Variants in FMN1 observed in about 807,000 individuals in gnomAD.
FMN1 encodes the protein formin-1.
A neutral mutation model predicts 132.4 loss-of-function variants in FMN1; 110 were observed. The observed-to-expected ratio is 0.83, with a 90% CI of 0.71 to 0.97. The LOEUF is 0.97. Ranked by LOEUF, FMN1 falls within the 50% of genes least tolerant of loss-of-function variation. The pLI, the probability that FMN1 is intolerant of heterozygous loss-of-function variation, is 0.00. For synonymous variants in FMN1, 722 were observed against 651.7 expected (o/e 1.11, Z -1.64); for missense variants, 1,792 against 1,705.3 (o/e 1.05, Z -0.90).
chr15:32,846,650 G>A (rs1158411952), intron 17 of FMN1, among the ~76,000 whole-genome samples: 2 of 152,204 alleles, frequency 1.3e-5, no homozygotes, highest in Non-Finnish European at 2.9e-5. Context: ...AAGACAGTGT[G>A]GCGATTCCTC....
chr15:33,124,809 T>C (rs1361002551), intron 4 of FMN1, among the ~76,000 whole-genome samples: 2 of 151,746 alleles, frequency 1.3e-5, no homozygotes, highest in Non-Finnish European at 2.9e-5. Context: ...ATGGGATCAA[T>C]TCAATACTAG....
intron 17 of FMN1, among the ~76,000 whole-genome samples, chr15:32,813,500 C>G (rs948241925): frequency 6.6e-6 from 1 of 152,084 alleles, no homozygotes. Flanking sequence ...ACAATACTGA[C>G]AAAACACTTG....
chr15:33,139,203 C>T (rs11629582), intron 4 of FMN1, among the ~76,000 whole-genome samples: 67,592 of 152,070 alleles, frequency 0.44, 16,308 homozygotes, highest in South Asian at 0.55. Context: ...TGTGTATCCC[C>T]TTGAATTCAG....
chr15:33,016,883 G>A (rs962734721), intron 6 of FMN1, among the ~76,000 whole-genome samples: 7 of 152,140 alleles, frequency 4.6e-5, no homozygotes, highest in Non-Finnish European at 7.3e-5. Context: ...TCTGTTGAAC[G>A]CCATAAAAAC....
chr15:32,936,171 A>G (rs1020183194), intron 9 of FMN1, among the ~76,000 whole-genome samples: 3 of 152,098 alleles, frequency 2.0e-5, no homozygotes, highest in Non-Finnish European at 2.9e-5. Flanking sequence ...TCTTTATGAC[A>G]TTTATTTTGA....
intron 5 of FMN1, among the ~76,000 whole-genome samples, chr15:33,080,756 G>C (rs181534454): frequency 6.6e-6 from 1 of 152,050 alleles, no homozygotes; most frequent in East Asian, 1.9e-4. Flanking sequence ...GCATGGTGGC[G>C]CATGCCTGTA....
In FMN1 at chr15:33,024,274, T is replaced by C. The variant is rs533951632; in HGVS notation, c.2162-16199A>G. On this transcript the variant is annotated intron_variant, in intron 6 of 20. Coordinates refer to ENST00000616417, the MANE Select transcript of FMN1 (RefSeq NM_001277313.2). ...TTTTTTTTTTTTTTGAGATGTGGAG[T>C]CTCGCTCTGTCGCCCAGGCTGGAGT... Among the ~76,000 whole-genome samples, 83 of 128,952 alleles carry C rather than the reference T, an allele frequency of 6.4e-4. 1 individual carries two copies. The highest frequency in any genetic ancestry group is 2.4e-3 in the African/African-American group (83 of 34,586). 84.6% of individuals were successfully genotyped at this position (128,952 alleles called of 152,430 possible).
intron 5 of FMN1, among the ~76,000 whole-genome samples, chr15:33,083,708 G>T (rs963406134): frequency 6.6e-6 from 1 of 152,150 alleles, no homozygotes; most frequent in Non-Finnish European, 1.5e-5. Flanking sequence ...TTGAATAGGG[G>T]ATGGGTAAAA....
At chr15:32,804,166 G>T in intron 18 of FMN1, 115 bp downstream of exon 18, 2 of 749,426 alleles carry the variant, frequency 2.7e-6, no homozygotes, top group Non-Finnish European at 4.4e-6. Flanking sequence ...TTCAGTTGGG[G>T]AAGTAAAAAT....
intron 17 of FMN1, among the ~76,000 whole-genome samples, chr15:32,845,601 G>A (rs996668299): frequency 6.6e-6 from 1 of 152,178 alleles, no homozygotes; most frequent in Non-Finnish European, 1.5e-5. Flanking sequence ...CCCTGAGTAA[G>A]TTACCAAGAC....
chr15:33,094,527 G>A (rs187451245), intron 4 of FMN1, among the ~76,000 whole-genome samples: 10 of 152,216 alleles, frequency 6.6e-5, no homozygotes, highest in Non-Finnish European at 1.0e-4. Flanking sequence ...TAGAATTCAC[G>A]TCATCAAATG....
At chr15:32,855,282 A>C (rs544192342) in intron 17 of FMN1, among the ~76,000 whole-genome samples, 106 of 152,146 alleles carry the variant, frequency 7.0e-4, no homozygotes, top group African/African-American at 2.5e-3. Flanking sequence ...AAATCTCCTA[A>C]GTGATTCTAG....
At chr15:32,868,266 T>G (rs2059437970) in intron 16 of FMN1, among the ~76,000 whole-genome samples, 2 of 152,222 alleles carry the variant, frequency 1.3e-5, no homozygotes, top group Admixed American at 1.3e-4. Flanking sequence ...CATTGTGTTA[T>G]AATTGCCTAC....
At chr15:32,847,853 T>C (rs2058896313) in intron 17 of FMN1, among the ~76,000 whole-genome samples, 1 of 151,966 alleles carries the variant, frequency 6.6e-6, no homozygotes, top group Non-Finnish European at 1.5e-5. Flanking sequence ...AGACTCCATC[T>C]CAAAAAAACA....
At chr15:32,986,859 GAAT>G (rs1448555829) in intron 7 of FMN1, among the ~76,000 whole-genome samples, 2 of 152,072 alleles carry the variant, frequency 1.3e-5, no homozygotes, top group Admixed American at 1.3e-4. Flanking sequence ...CTTTTTGAAA[GAAT>G]AATTGTTATA....
intron 4 of FMN1, among the ~76,000 whole-genome samples, chr15:33,128,811 A>G (rs777718784): frequency 1.3e-5 from 2 of 152,242 alleles, no homozygotes; most frequent in Non-Finnish European, 2.9e-5. Context: ...TACTGTCACG[A>G]GCAAAATAAC....
At chr15:32,934,313 A>G (rs977708277) in intron 9 of FMN1, among the ~76,000 whole-genome samples, 3 of 152,128 alleles carry the variant, frequency 2.0e-5, no homozygotes, top group African/African-American at 7.2e-5. Context: ...ACGTATTTTT[A>G]TAATTATATT....
At position 32,777,879 on chromosome 15, in the gene FMN1, TA is replaced by T. The variant is rs1337219611; in HGVS notation, c.4131-961del. Among the ~76,000 whole-genome samples, 3 of 2,196 alleles carry T rather than the reference TA, an allele frequency of 1.4e-3. 1 individual carries two copies. The East Asian group carries it at 0.026, about 19-fold the overall frequency. 1.4% of individuals were successfully genotyped at this position (2,196 alleles called of 152,430 possible). On this transcript the variant is annotated intron_variant, in intron 19 of 20. Coordinates refer to ENST00000616417, the MANE Select transcript of FMN1 (RefSeq NM_001277313.2). Reference sequence around the variant, plus strand: ...ATATTATGTATAATATATAATACATTATATATTATGTATAATATATAATACA... The same window carrying T: ...ATATTATGTATAATATATAATACATTTATATTATGTATAATATATAATACA...
rs1265513189 is a variant in FMN1 at position 32,796,301 on chromosome 15, T to TA, written c.4130+2502dup. Among the ~76,000 whole-genome samples, 3 of 152,234 alleles carry TA rather than the reference T, an allele frequency of 2.0e-5. No homozygotes were observed. In the East Asian group the frequency reaches 5.8e-4, roughly 29 times the overall value. Reference sequence around the variant, plus strand: ...ATGAAACCTGTCCCTTTGAAAATGCTAGTACTGATTCTTAATTTTTCCAAT... The same window carrying TA: ...ATGAAACCTGTCCCTTTGAAAATGCTAAGTACTGATTCTTAATTTTTCCAAT... On this transcript the variant is annotated intron_variant, in intron 19 of 20. Transcript: ENST00000616417.
Sources: allele counts gnomAD v4.1 joint callset (sites outside exome capture counted in the v4.1 genomes callset), GRCh38; gene constraint gnomAD v4.1.1; transcripts MANE v1.5; gene names NCBI Gene and HGNC (gene_info 2026-07-23, HGNC 2026-07-21).